LRCH1: variants seen among roughly 807,000 people sequenced by gnomAD.
LRCH1 encodes the protein leucine-rich repeat and calponin homology domain-containing protein 1.
In LRCH1, 23 loss-of-function variants were observed where a neutral mutation model predicts 94.9. That is an observed-to-expected ratio of 0.24 (90% CI 0.17 to 0.34). LRCH1 has a LOEUF of 0.34. LRCH1 is among the 10% of genes least tolerant of loss of function. LRCH1 has a pLI of 1.00. For synonymous variants in LRCH1, 364 were observed against 354.9 expected (o/e 1.03, Z -0.29); for missense variants, 790 against 945.9 (o/e 0.84, Z 2.16).
intron 1 of LRCH1, among the ~76,000 whole-genome samples, chr13:46,625,804 C>T (rs1184060358): frequency 1.3e-5 from 2 of 152,018 alleles, no homozygotes; most frequent in Non-Finnish European, 2.9e-5. Context: ...CGGGCCTGTG[C>T]CACCACGCCC....
chr13:46,623,325 G>A (rs2050902567), intron 1 of LRCH1, among the ~76,000 whole-genome samples: 1 of 152,102 alleles, frequency 6.6e-6, no homozygotes, highest in South Asian at 2.1e-4. Context: ...CATAGAGATG[G>A]TAATGGTGGG....
chr13:46,661,923 T>C lies in LRCH1; in HGVS notation c.453-7107T>C, dbSNP rs549559221. ...GGGAAAGATGTTAAAGTAAAAAATA[T>C]ATATTTTTGGCCAGGCGCCGTGGCT... On this transcript the variant is annotated intron_variant, in intron 2 of 19. Coordinates refer to ENST00000389797, the MANE Select transcript of LRCH1 (RefSeq NM_001164211.2). Among the ~76,000 whole-genome samples, 26 of 152,236 alleles carry C rather than the reference T, an allele frequency of 1.7e-4. No individual in the cohort carries two copies. The Middle Eastern group carries it at 0.01, about 60-fold the overall frequency.
intron 1 of LRCH1, among the ~76,000 whole-genome samples, chr13:46,589,370 C>T (rs535971543): frequency 1.2e-4 from 18 of 152,082 alleles, no homozygotes; most frequent in Admixed American, 2.0e-4. Context: ...AGGGCATTCT[C>T]GTACATAAAG....
In LRCH1 at chr13:46,681,793, A is replaced by T. The variant is rs1369564312; in HGVS notation, c.632A>T (p.Lys211Ile). Residue 211 changes from lysine to isoleucine, a missense_variant, in exon 4 of 20, where the codon AAA becomes ATA. Lys to Ile is a moderately radical substitution (Grantham distance 102, BLOSUM62 -3). Around this residue, in one of 3 missense-constraint regions of LRCH1, gnomAD observed 194 missense variants for 293.5 expected, o/e 0.66. Transcript: ENST00000389797. ...TALPQQIGQL[K>I]SLRELNVRRN... is the part of the protein sequence containing the mutation. Reference sequence around the variant, plus strand: ...TTGCCCCAGCAGATAGGTCAGTTGAAATCTCTACGAGAACTGAATGTCAGA... The same window carrying T: ...TTGCCCCAGCAGATAGGTCAGTTGATATCTCTACGAGAACTGAATGTCAGA... 1 of 1,613,966 alleles carries T rather than the reference A, an allele frequency of 6.2e-7. No homozygotes were observed. The highest frequency in any genetic ancestry group is 8.5e-7 in the Non-Finnish European group (1 of 1,179,826).
At chr13:46,586,867 G>A (rs1016497894) in intron 1 of LRCH1, among the ~76,000 whole-genome samples, 7 of 152,322 alleles carry the variant, frequency 4.6e-5, no homozygotes, top group African/African-American at 1.7e-4. Flanking sequence ...TTCTTTCCAA[G>A]CAGGAAAGTT....
At chr13:46,710,278 T>C (rs1871990767) in intron 13 of LRCH1, among the ~76,000 whole-genome samples, 1 of 152,200 alleles carries the variant, frequency 6.6e-6, no homozygotes, top group Non-Finnish European at 1.5e-5. Flanking sequence ...ACTTAGACTT[T>C]GGGCATTTTT....
chr13:46,634,339 G>T (rs910563882), intron 1 of LRCH1, among the ~76,000 whole-genome samples: 6 of 152,164 alleles, frequency 3.9e-5, no homozygotes, highest in African/African-American at 1.4e-4. Context: ...CCTCCTTTCT[G>T]TGCCACCCAT....
intron 4 of LRCH1, among the ~76,000 whole-genome samples, chr13:46,683,954 T>TA (rs1870468768): frequency 6.6e-6 from 1 of 152,076 alleles, no homozygotes; most frequent in South Asian, 2.1e-4. Flanking sequence ...TCAGTGACTG[T>TA]AAAGACTTTC....
intron 1 of LRCH1, among the ~76,000 whole-genome samples, chr13:46,618,751 A>G (rs939055205): frequency 1.3e-5 from 2 of 152,218 alleles, no homozygotes; most frequent in African/African-American, 4.8e-5. Context: ...AGGAACTTGT[A>G]GAGATTTTTT....
Position 46,741,901 on chromosome 13 carries a change from G to A in LRCH1, c.*53G>A. On this transcript the variant is annotated 3_prime_UTR_variant, in exon 20 of 20. Transcript: ENST00000389797. Reference sequence around the variant, plus strand: ...CTCTGTCGCCCTCAACCTTTGCAGGGTCCTTCCTACCTTTGAGCCTTTGCC... The same window carrying A: ...CTCTGTCGCCCTCAACCTTTGCAGGATCCTTCCTACCTTTGAGCCTTTGCC... 4 of 1,608,530 alleles carry A rather than the reference G, an allele frequency of 2.5e-6. No individual in the cohort carries two copies. Among genetic ancestry groups the A allele is most frequent in the Non-Finnish European group, 3.4e-6 (4 of 1,177,020 alleles).
At chr13:46,751,367 G>A (rs1874131040) in exon 19 of LRCH1, 1 of 151,942 alleles carries the variant, frequency 6.6e-6, no homozygotes, top group African/African-American at 2.4e-5. Context: ...TTCTGGGGAG[G>A]CAATATTGAC....
chr13:46,718,102 C>T (rs1872415263), intron 16 of LRCH1, among the ~76,000 whole-genome samples: 1 of 152,202 alleles, frequency 6.6e-6, no homozygotes, highest in Admixed American at 6.5e-5. Context: ...CTTACTGAAT[C>T]TTTCCTCTTC....
chr13:46,617,842 G>A (rs865855986), intron 1 of LRCH1, among the ~76,000 whole-genome samples: 1 of 152,046 alleles, frequency 6.6e-6, no homozygotes, highest in Non-Finnish European at 1.5e-5. Flanking sequence ...ATAATGTGGT[G>A]CCATTTCCTC....
chr13:46,592,921 G>T (rs532338623), intron 1 of LRCH1, among the ~76,000 whole-genome samples: 1 of 151,960 alleles, frequency 6.6e-6, no homozygotes, highest in South Asian at 2.1e-4. Flanking sequence ...AGTTTGTGAG[G>T]TTTCTCTACC....
At chr13:46,737,070 C>T (rs963826815) in intron 19 of LRCH1, among the ~76,000 whole-genome samples, 1 of 152,176 alleles carries the variant, frequency 6.6e-6, no homozygotes, top group African/African-American at 2.4e-5. Flanking sequence ...CCCATAAACG[C>T]AGTCCCAGGC....
chr13:46,650,377 C>G, intron 2 of LRCH1, 32 bp downstream of exon 2: 1 of 1,528,776 alleles, frequency 6.5e-7, no homozygotes, highest in Non-Finnish European at 8.8e-7. Context: ...TAATCAAATT[C>G]AGTGAAAGAA....
intron 17 of LRCH1, among the ~76,000 whole-genome samples, chr13:46,728,180 G>C (rs1872921591): frequency 6.6e-6 from 1 of 151,990 alleles, no homozygotes; most frequent in Non-Finnish European, 1.5e-5. Flanking sequence ...GCCTCTCAAA[G>C]TGTTGGGGTT....
chr13:46,713,708 C>T (rs1236395958), intron 15 of LRCH1, among the ~76,000 whole-genome samples: 1 of 152,198 alleles, frequency 6.6e-6, no homozygotes, highest in Non-Finnish European at 1.5e-5. Flanking sequence ...ATGTTTGGAG[C>T]TAAGCAAATG....
At chr13:46,659,128 T>G (rs1342379095) in intron 2 of LRCH1, among the ~76,000 whole-genome samples, 2 of 152,142 alleles carry the variant, frequency 1.3e-5, no homozygotes, top group African/African-American at 4.8e-5. Flanking sequence ...TGCAAAATTG[T>G]TCACAATTTT....
Sources: allele counts gnomAD v4.1 joint callset (sites outside exome capture counted in the v4.1 genomes callset), GRCh38; gene constraint gnomAD v4.1.1; regional missense constraint gnomAD v4.1.1; transcripts MANE v1.5; gene names NCBI Gene and HGNC (gene_info 2026-07-23, HGNC 2026-07-21).